Variants in VCL observed in about 807,000 individuals in gnomAD.
VCL encodes the protein vinculin, also known as epididymis luminal protein 114.
Under a neutral mutation model 125.7 loss-of-function variants are expected in VCL, and 47 were observed. The ratio of observed to expected loss-of-function variants is 0.37; its 90% confidence interval spans 0.30 to 0.48. VCL has a LOEUF of 0.48. VCL is among the 20% of genes least tolerant of loss of function. The pLI is 0.99. For synonymous variants in VCL, 458 were observed against 514.6 expected, an observed-to-expected ratio of 0.89 and a Z score of 1.49; for missense variants, 1,069 against 1,455.5, an observed-to-expected ratio of 0.73 and a Z score of 4.32.
At position 73,998,305 on chromosome 10, in the gene VCL, A is replaced by G. The variant is rs1840154118; in HGVS notation, c.98A>G (p.Asp33Gly). 1 of 1,594,444 alleles carries G rather than the reference A, an allele frequency of 6.3e-7. No homozygotes were observed. The highest frequency in any genetic ancestry group is 1.1e-5 in the South Asian group (1 of 88,686). Residue 33 changes from aspartate to glycine, a missense_variant, in exon 1 of 22, where the codon GAC (aspartate) becomes GGC (glycine). Asp to Gly is a moderately conservative substitution (Grantham distance 94). Transcript: ENST00000211998. ...ATAATGCACGAGGAGGGCGAGGTGGACGGCAAAGCCATTCCTGACCTCACC... is the reference window on the plus strand; with the variant it reads ...ATAATGCACGAGGAGGGCGAGGTGGGCGGCAAAGCCATTCCTGACCTCACC... The part of the protein sequence containing the change: ...LVIMHEEGEV[D>G]GKAIPDLTAP...
intron 2 of VCL, among the ~76,000 whole-genome samples, chr10:74,060,723 A>C (rs1434700000): frequency 6.6e-6 from 1 of 151,856 alleles, no homozygotes; most frequent in Non-Finnish European, 1.5e-5. Flanking sequence ...TATAATCTCT[A>C]AATGGATTTT....
At position 74,089,300 on chromosome 10, in the gene VCL, C is replaced by A. The variant is rs1420358609; in HGVS notation, c.1127C>A (p.Ala376Asp). 1.9e-6 allele frequency: 3 copies of A among 1,614,144 alleles called. No homozygotes were observed. The highest frequency in any genetic ancestry group is 1.1e-5 in the South Asian group (1 of 91,072). The change falls in exon 9 of 22, where the codon GCC becomes GAC. Residue 376 changes from alanine (A) to aspartate (D), a missense_variant. By Grantham distance (126) the Ala-to-Asp change is moderately radical (BLOSUM62 -2). Transcript: ENST00000211998. Reference protein sequence around the residue: ...KVENAARKLEAMTNSKQSIAK... With the variant: ...KVENAARKLEDMTNSKQSIAK... ...GAAAATGCAGCTCGCAAGCTGGAAG[C>A]CATGACCAACTCAAAGCAGAGCATT... is the stretch of plus-strand genomic sequence containing the variant.
chr10:74,083,372 C>T lies in VCL; in HGVS notation c.881C>T (p.Ala294Val). ...LRDPSASPGD[A>V]GEQAIRQILD... is the part of the protein sequence containing the mutation. The stretch of plus-strand genomic sequence containing the variant: ...GAATATCTCTTTATTTTAGGGGATG[C>T]TGGTGAGCAGGCCATCAGACAGATC... The change falls in exon 8 of 22, where the codon GCT (alanine) becomes GTT (valine). Residue 294 changes from alanine to valine, a missense_variant. By Grantham distance (64) the Ala-to-Val change is moderately conservative. Coordinates refer to ENST00000211998, the MANE Select transcript of VCL (RefSeq NM_014000.3). 1 of 1,613,922 alleles carries T rather than the reference C, an allele frequency of 6.2e-7. No homozygotes were observed. The highest frequency in any genetic ancestry group is 1.1e-5 in the South Asian group (1 of 91,068).
chr10:74,013,068 G>A (rs1840465598), intron 1 of VCL, among the ~76,000 whole-genome samples: 1 of 152,234 alleles, frequency 6.6e-6, no homozygotes, highest in Admixed American at 6.5e-5. Flanking sequence ...TGAATTTTTA[G>A]TATCCATCAT....
chr10:73,999,802 C>T (rs1470199245), intron 1 of VCL, among the ~76,000 whole-genome samples: 1 of 152,180 alleles, frequency 6.6e-6, no homozygotes, highest in Non-Finnish European at 1.5e-5. Context: ...TCTATTCATT[C>T]AGTAAGAATG....
intron 6 of VCL, among the ~76,000 whole-genome samples, chr10:74,079,371 A>C (rs982150520): frequency 6.6e-6 from 1 of 152,122 alleles, no homozygotes; most frequent in Non-Finnish European, 1.5e-5. Flanking sequence ...ATTGGTAGAG[A>C]CTTTTCTTTT....
chr10:74,029,122 T>C (rs899342606), intron 1 of VCL, among the ~76,000 whole-genome samples: 1 of 149,008 alleles, frequency 6.7e-6, no homozygotes, highest in African/African-American at 2.5e-5. Context: ...GAAGAATTTT[T>C]TTTTTTTTTG....
chr10:74,096,152 T>TC lies in VCL; in HGVS notation c.1743+297_1743+298insC, dbSNP rs397950232. On this transcript the variant is annotated intron_variant, in intron 12 of 21. Transcript: ENST00000211998. ...GCCAATATTTTTCTTAAAATGGACT[T>TC]TTTTTTTTTTTTTAAATGGACTTCT... is the stretch of plus-strand genomic sequence containing the variant. 2.0e-3 allele frequency among the ~76,000 whole-genome samples: 280 copies of TC among 136,698 alleles called. 2 individuals carry two copies. The highest frequency in any genetic ancestry group is 3.3e-3 in the Non-Finnish European group (204 of 62,228). The allele number at this position is 136,698 out of a possible 152,430, so 89.7% of individuals were successfully genotyped here. A position where few individuals can be genotyped will look rare whatever the true frequency, so the allele number is the denominator to read the frequency against.
At chr10:74,084,673 C>T (rs1197657230) in intron 8 of VCL, among the ~76,000 whole-genome samples, 3 of 150,374 alleles carry the variant, frequency 2.0e-5, no homozygotes, top group Non-Finnish European at 4.4e-5. Context: ...AGTGCAATGG[C>T]GCGATCTCGG....
chr10:74,020,459 G>GA (rs1176592753), intron 1 of VCL, among the ~76,000 whole-genome samples: 1 of 152,142 alleles, frequency 6.6e-6, no homozygotes, highest in African/African-American at 2.4e-5. Flanking sequence ...GGCGCATAAG[G>GA]AAAGGGCTTG....
rs1458275072 is a variant in VCL, at chr10:74,059,699, C to T, written c.240-10971C>T. Among the ~76,000 whole-genome samples, 2 of 152,174 alleles carry T rather than the reference C, an allele frequency of 1.3e-5. 1 individual carries two copies. The highest frequency in any genetic ancestry group is 6.3e-3 in the Middle Eastern group (2 of 316). ...GGATTACAGGTGTGAGCCACCGCGTCCAGCCTGCTGGACATACTTCTAAAG... is the reference window on the plus strand; with the variant it reads ...GGATTACAGGTGTGAGCCACCGCGTTCAGCCTGCTGGACATACTTCTAAAG... On this transcript the variant is annotated intron_variant, in intron 2 of 21. Coordinates refer to ENST00000211998, the MANE Select transcript of VCL (RefSeq NM_014000.3).
intron 19 of VCL, among the ~76,000 whole-genome samples, chr10:74,112,964 C>T (rs1840252645): frequency 6.6e-6 from 1 of 152,132 alleles, no homozygotes; most frequent in South Asian, 2.1e-4. Flanking sequence ...CTAACATACC[C>T]CTTGCTTCTT....
chr10:74,076,910 A>T (rs1327633243), intron 6 of VCL: 1 of 152,674 alleles, frequency 6.5e-6, no homozygotes, highest in Non-Finnish European at 1.5e-5. Context: ...GGGAAAAGCT[A>T]TCCATCATTT....
intron 18 of VCL, among the ~76,000 whole-genome samples, chr10:74,111,518 T>G (rs189793843): frequency 7.1e-4 from 108 of 152,224 alleles, no homozygotes; most frequent in African/African-American, 2.6e-3. Context: ...CGGATTCCTT[T>G]TAAAGGTAAT....
At chr10:74,006,085 C>G (rs1247821487) in intron 1 of VCL, among the ~76,000 whole-genome samples, 1 of 152,068 alleles carries the variant, frequency 6.6e-6, no homozygotes, top group Non-Finnish European at 1.5e-5. Flanking sequence ...AGCGTTTCAC[C>G]TTGTTAGCCA....
chr10:74,004,735 C>T (rs1840288500), intron 1 of VCL, among the ~76,000 whole-genome samples: 1 of 151,216 alleles, frequency 6.6e-6, no homozygotes, highest in African/African-American at 2.4e-5. Context: ...GACGGAGTCT[C>T]ACTCTCTTGC....
rs1324067720 is a variant in VCL, at chr10:74,086,814, T to G, written c.1023-2382T>G. ...AAAGTTATCTCCCTGTAGTCCTTTC[T>G]TAAGTGTACCCAGCTGTTTAATATT... is the stretch of plus-strand genomic sequence containing the variant. On this transcript the variant is annotated intron_variant, in intron 8 of 21. Transcript: ENST00000211998. Among the ~76,000 whole-genome samples, 4 of 152,262 alleles carry G rather than the reference T, an allele frequency of 2.6e-5. No homozygotes were observed. In the East Asian group the frequency reaches 7.7e-4, roughly 29 times the overall value.
intron 8 of VCL, among the ~76,000 whole-genome samples, chr10:74,085,347 G>A (rs373189399): frequency 3.9e-4 from 60 of 152,228 alleles, no homozygotes; most frequent in Middle Eastern, 3.4e-3. Context: ...TACATTTTAC[G>A]GAGGATGGGG....
At chr10:74,080,473 T>C (rs1321089659) in intron 6 of VCL, among the ~76,000 whole-genome samples, 2 of 152,162 alleles carry the variant, frequency 1.3e-5, no homozygotes, top group Non-Finnish European at 2.9e-5. Context: ...GGAAAGTAGC[T>C]AAAACAGAAC....
Sources: gnomAD v4.1 joint callset for allele counts (sites outside exome capture counted in the v4.1 genomes callset) on GRCh38, gnomAD v4.1.1 for gene constraint, MANE v1.5 for transcripts, NCBI Gene and HGNC (gene_info 2026-07-23, HGNC 2026-07-21) for gene names.